The following BRINP3 variants were observed in gnomAD, a reference collection of about 807,000 sequenced individuals.
BRINP3 encodes the protein BMP/retinoic acid inducible neural specific 3, also known as BMP/retinoic acid-inducible neural-specific protein 3.
BRINP3 carries 19 observed loss-of-function variants against 71.0 expected under a neutral mutation model. That is an observed-to-expected ratio of 0.27 (90% CI 0.19 to 0.39). The LOEUF (loss-of-function observed/expected upper bound fraction) is 0.39. BRINP3 is among the 10% of genes least tolerant of loss of function. BRINP3 has a pLI of 1.00. For synonymous variants in BRINP3, 380 were observed against 337.7 expected, an observed-to-expected ratio of 1.13 and a Z score of -1.37; for missense variants, 959 against 940.8, an observed-to-expected ratio of 1.02 and a Z score of -0.25.
intron 1 of BRINP3, among the ~76,000 whole-genome samples, chr1:190,468,536 G>C (rs1676916923): frequency 6.6e-6 from 1 of 151,146 alleles, no homozygotes; most frequent in Non-Finnish European, 1.5e-5. Context: ...AAACCTGCCA[G>C]AGTTCACTCT....
chr1:190,267,055 C>T (rs1311669894), intron 3 of BRINP3, among the ~76,000 whole-genome samples: 3 of 152,100 alleles, frequency 2.0e-5, no homozygotes, highest in Non-Finnish European at 2.9e-5. Context: ...AATAGACATA[C>T]ACTGATATTA....
chr1:190,335,661 G>A (rs905274899), intron 2 of BRINP3, among the ~76,000 whole-genome samples: 3 of 151,502 alleles, frequency 2.0e-5, no homozygotes, highest in South Asian at 2.1e-4. Context: ...ATATAAATTC[G>A]AATATTTTTC....
At chr1:190,467,747 C>G (rs760852862) in intron 1 of BRINP3, among the ~76,000 whole-genome samples, 5 of 151,472 alleles carry the variant, frequency 3.3e-5, no homozygotes, top group Admixed American at 6.6e-5. Context: ...CTAAAATAGC[C>G]CAAACTGTCT....
At chr1:190,257,046 T>TG (rs905975292) in intron 4 of BRINP3, among the ~76,000 whole-genome samples, 1 of 152,200 alleles carries the variant, frequency 6.6e-6, no homozygotes, top group African/African-American at 2.4e-5. Context: ...CTTGCTAGGT[T>TG]GGGGAAGTTC....
In BRINP3 at chr1:190,465,182, T is replaced by C. The variant is rs181107216; in HGVS notation, c.-50-10242A>G. Among the ~76,000 whole-genome samples the C allele has an allele frequency of 2.8e-3, 429 of 152,110 alleles. 1 individual carries two copies. Among genetic ancestry groups the C allele is most frequent in the Middle Eastern group, 0.01 (3 of 294 alleles). ...CATGGTGTTTCAACGTAGATGATCATATAAGAAAATATCATTGTAAGATTC... is the reference window on the plus strand; with the variant it reads ...CATGGTGTTTCAACGTAGATGATCACATAAGAAAATATCATTGTAAGATTC... On this transcript the variant is annotated intron_variant, in intron 1 of 7. Coordinates refer to ENST00000367462, the MANE Select transcript of BRINP3 (RefSeq NM_199051.3).
chr1:190,118,766 G>T (rs1022437509), intron 7 of BRINP3, among the ~76,000 whole-genome samples: 2 of 152,162 alleles, frequency 1.3e-5, no homozygotes, highest in African/African-American at 2.4e-5. Context: ...TCAATCAATT[G>T]TAAAAGATCC....
At chr1:190,410,939 T>G (rs1672622723) in intron 2 of BRINP3, among the ~76,000 whole-genome samples, 1 of 152,114 alleles carries the variant, frequency 6.6e-6, no homozygotes, top group Non-Finnish European at 1.5e-5. Flanking sequence ...CCCAACAGTT[T>G]TTTAAAAGAA....
At chr1:190,430,097 A>C (rs890782462) in intron 2 of BRINP3, among the ~76,000 whole-genome samples, 1 of 152,098 alleles carries the variant, frequency 6.6e-6, no homozygotes, top group Admixed American at 6.5e-5. Context: ...ACCTACTCTC[A>C]TCTGTTTTTC....
At chr1:190,446,376 A>C (rs1280038767) in intron 2 of BRINP3, among the ~76,000 whole-genome samples, 1 of 152,062 alleles carries the variant, frequency 6.6e-6, no homozygotes, top group Admixed American at 6.6e-5. Context: ...GATTTATAGT[A>C]AACCAACCAA....
intron 2 of BRINP3, among the ~76,000 whole-genome samples, chr1:190,413,797 C>T (rs971183122): frequency 2.0e-5 from 3 of 151,826 alleles, no homozygotes; most frequent in Non-Finnish European, 4.4e-5. Context: ...AACTAACATA[C>T]CATCTATATT....
chr1:190,466,455 G>A (rs1676756066), intron 1 of BRINP3, among the ~76,000 whole-genome samples: 1 of 151,664 alleles, frequency 6.6e-6, no homozygotes. Context: ...TACATTTAAG[G>A]AGCTTTCAAA....
At chr1:190,245,030 A>C (rs1300806389) in intron 4 of BRINP3, among the ~76,000 whole-genome samples, 1 of 152,046 alleles carries the variant, frequency 6.6e-6, no homozygotes, top group Non-Finnish European at 1.5e-5. Flanking sequence ...CTTCTGTCCT[A>C]AATAATAGGA....
chr1:190,254,313 G>A (rs1309162918), intron 4 of BRINP3, among the ~76,000 whole-genome samples: 2 of 151,130 alleles, frequency 1.3e-5, no homozygotes, highest in Non-Finnish European at 1.5e-5. Flanking sequence ...TGTGAAGAAA[G>A]TCATTTGTAG....
intron 1 of BRINP3, among the ~76,000 whole-genome samples, chr1:190,463,491 A>C (rs1676533448): frequency 6.6e-6 from 1 of 151,818 alleles, no homozygotes; most frequent in Non-Finnish European, 1.5e-5. Flanking sequence ...GGTACAAAAA[A>C]AAAGTTTTAA....
At chr1:190,433,363 C>T (rs1382303410) in intron 2 of BRINP3, among the ~76,000 whole-genome samples, 5 of 152,170 alleles carry the variant, frequency 3.3e-5, no homozygotes, top group East Asian at 1.9e-4. Context: ...AAAGCCTCTA[C>T]GATCTACTTT....
intron 2 of BRINP3, among the ~76,000 whole-genome samples, chr1:190,306,886 A>T (rs1257926640): frequency 6.6e-6 from 1 of 152,036 alleles, no homozygotes; most frequent in Non-Finnish European, 1.5e-5. Context: ...TACTATTGTA[A>T]AACAATATAG....
At chr1:190,219,477 G>C (rs1656684338) in intron 6 of BRINP3, among the ~76,000 whole-genome samples, 1 of 151,970 alleles carries the variant, frequency 6.6e-6, no homozygotes, top group Admixed American at 6.6e-5. Context: ...CAATTCATTA[G>C]AGGTCTCAAC....
At chr1:190,427,460 T>G (rs1366353171) in intron 2 of BRINP3, among the ~76,000 whole-genome samples, 2 of 151,202 alleles carry the variant, frequency 1.3e-5, no homozygotes, top group East Asian at 3.9e-4. Flanking sequence ...GTGTGATACT[T>G]ATAAAATAGT....
chr1:190,464,554 T>C (rs1676612839), intron 1 of BRINP3, among the ~76,000 whole-genome samples: 1 of 152,002 alleles, frequency 6.6e-6, no homozygotes, highest in African/African-American at 2.4e-5. Flanking sequence ...TAGTAACTTT[T>C]TGGAACAGGT....
Sources: allele counts gnomAD v4.1 joint callset (sites outside exome capture counted in the v4.1 genomes callset), GRCh38; gene constraint gnomAD v4.1.1; transcripts MANE v1.5; gene names NCBI Gene and HGNC (gene_info 2026-07-23, HGNC 2026-07-21).